VBP1: variants seen among roughly 807,000 people sequenced by gnomAD.
The protein encoded by VBP1 is prefoldin subunit 3.
VBP1 carries 4 observed loss-of-function variants against 15.5 expected under a neutral mutation model. That is an observed-to-expected ratio of 0.26 (90% CI 0.13 to 0.59). The LOEUF (loss-of-function observed/expected upper bound fraction) is 0.59, where lower values mean the gene tolerates loss of function less well. Among genes scored for constraint, VBP1 ranks in the 20% least tolerant of loss-of-function variants. The pLI, the probability that VBP1 is intolerant of heterozygous loss-of-function variation, is 0.90. For missense variants in VBP1, 108 were observed against 139.6 expected, an observed-to-expected ratio of 0.77 and a Z score of 1.14; for synonymous variants, 61 against 52.1, an observed-to-expected ratio of 1.17 and a Z score of -0.74.
At chrX:155,224,911 T>A (rs2074712498) in intron 2 of VBP1, among the ~76,000 whole-genome samples, 1 of 111,755 alleles carries the variant, frequency 8.9e-6, no homozygotes, top group African/African-American at 3.3e-5. Flanking sequence ...TCTTTGTCAT[T>A]TATCTTTTGG....
chrX:155,216,342 C>A (rs2124061459), upstream of VBP1: 4 of 1,099,788 alleles, frequency 3.6e-6, no homozygotes, highest in East Asian at 1.0e-4. Context: ...CAAAGGAGAA[C>A]GGGGACTTGT....
chrX:155,237,122 G>C (rs2124103187), intron 5 of VBP1, among the ~76,000 whole-genome samples: 1 of 111,998 alleles, frequency 8.9e-6, no homozygotes, highest in Non-Finnish European at 1.9e-5. Context: ...GCGGCGTAGG[G>C]TTTAAAGATC....
intron 1 of VBP1, among the ~76,000 whole-genome samples, chrX:155,198,578 G>A (rs1230504918): frequency 9.0e-6 from 1 of 111,061 alleles, no homozygotes; most frequent in Non-Finnish European, 1.9e-5. Flanking sequence ...CTAACAAACA[G>A]AAAGGACATC....
In VBP1 at chrX:155,210,806, T is replaced by C. The variant is rs782683140; in HGVS notation, c.78+1825T>C. On this transcript the variant is annotated intron_variant, in intron 2 of 6. Coordinates refer to the VBP1 transcript ENST00000535916. Reference sequence around the variant, plus strand: ...GCTCTCTAAGTAACAGCAAGAGCAATGGTTGCCTATGATTCCTTGTCTTGG... The same window carrying C: ...GCTCTCTAAGTAACAGCAAGAGCAACGGTTGCCTATGATTCCTTGTCTTGG... Among the ~76,000 whole-genome samples, 43 of 112,195 alleles carry C rather than the reference T, an allele frequency of 3.8e-4. 1 individual carries two copies. The highest frequency in any genetic ancestry group is 1.3e-3 in the African/African-American group (40 of 30,880).
intron 2 of VBP1, among the ~76,000 whole-genome samples, chrX:155,223,901 C>T (rs1392608606): frequency 1.0e-4 from 11 of 107,993 alleles, no homozygotes; most frequent in African/African-American, 2.7e-4. Flanking sequence ...GGCTGCCGGG[C>T]GGAGGGGCTC....
chrX:155,200,819 G>A (rs1392902351), intron 1 of VBP1, among the ~76,000 whole-genome samples: 1 of 110,853 alleles, frequency 9.0e-6, no homozygotes, highest in Non-Finnish European at 1.9e-5. Context: ...ATGAATCCAG[G>A]AGATGGTTTT....
chrX:155,236,184 G>C (rs374595147), intron 4 of VBP1, 45 bp from the exon 5 acceptor site: 52 of 1,179,450 alleles, frequency 4.4e-5, no homozygotes, highest in Non-Finnish European at 5.6e-5. Flanking sequence ...AACCTATAAA[G>C]CTCTGTGTAA....
chrX:155,236,887 T>G (rs1301557326), intron 5 of VBP1, among the ~76,000 whole-genome samples: 1 of 112,482 alleles, frequency 8.9e-6, no homozygotes, highest in Admixed American at 9.4e-5. Context: ...GCAACTGTGC[T>G]AAGACATATG....
At chrX:155,200,987 C>T (rs1261883007) in intron 1 of VBP1, among the ~76,000 whole-genome samples, 12 of 111,236 alleles carry the variant, frequency 1.1e-4, no homozygotes, top group African/African-American at 3.3e-4. Flanking sequence ...AACACCTCTG[C>T]GCAAATAAAC....
chrX:155,211,006 G>A (rs2074643179), intron 2 of VBP1, among the ~76,000 whole-genome samples: 1 of 112,146 alleles, frequency 8.9e-6, no homozygotes, highest in African/African-American at 3.2e-5. Flanking sequence ...TATGTGAAAG[G>A]TGATGAATTT....
At chrX:155,216,075 G>A (rs1043379911), upstream of VBP1, among the ~76,000 whole-genome samples, 1 of 110,579 alleles carries the variant, frequency 9.0e-6, no homozygotes, top group South Asian at 3.9e-4. Context: ...CTAGGTCCCA[G>A]GTTCGCTAGC....
At chrX:155,214,768 C>CTTTTTTTTTTTTTTTTTTTTTT (rs782556765), upstream of VBP1, among the ~76,000 whole-genome samples, 12 of 83,068 alleles carry the variant, frequency 1.4e-4, no homozygotes, top group Admixed American at 2.8e-4. Context: ...TTTTCTTTTC[C>CTTTTTTTTTTTTTTTTTTTTTT]TTTTTTTTTT....
chrX:155,237,090 AAGTT>A (rs1175025637), intron 5 of VBP1, among the ~76,000 whole-genome samples: 2 of 112,173 alleles, frequency 1.8e-5, no homozygotes, highest in African/African-American at 6.5e-5. Context: ...GAGAAGATAA[AAGTT>A]AGGCTGCTTT....
At chrX:155,222,202 G>C (rs886653189) in intron 2 of VBP1, among the ~76,000 whole-genome samples, 3 of 112,840 alleles carry the variant, frequency 2.7e-5, no homozygotes, top group Non-Finnish European at 5.6e-5. Flanking sequence ...TGTGCCTTGG[G>C]GCGGGGTGCA....
In VBP1 at chrX:155,217,749, G is replaced by A. The variant is rs2074671738; in HGVS notation, c.93+1174G>A. Among the ~76,000 whole-genome samples the A allele has an allele frequency of 2.7e-5, 3 of 111,747 alleles. No homozygotes were observed. In the Admixed American group the frequency reaches 2.8e-4, roughly 11 times the overall value. The stretch of plus-strand genomic sequence containing the variant: ...TGATTTTACAAAACTCGAGGTGGTA[G>A]CTACTACTGTTATGCCCGTTTTTTA... On this transcript the variant is annotated intron_variant, in intron 1 of 5. Coordinates refer to ENST00000286428, the MANE Select transcript of VBP1 (RefSeq NM_003372.7).
Position 155,220,233 on chromosome X carries a change from A to G in VBP1, c.144A>G (p.Thr48=), listed in dbSNP as rs782251478. 1 of 1,198,351 alleles carries G rather than the reference A, an allele frequency of 8.3e-7. No individual in the cohort carries two copies. The highest frequency in any genetic ancestry group is 1.1e-6 in the Non-Finnish European group (1 of 887,396). Reference sequence around the variant, plus strand: ...AGCCTGGGAATGAGACTGCAGATACAGTATTAAAGAAGCTGGATGAACAGT... The same window carrying G: ...AGCCTGGGAATGAGACTGCAGATACGGTATTAAAGAAGCTGGATGAACAGT... ...MKQPGNETAD[T]VLKKLDEQYQ... is the part of the protein sequence containing the mutation. Residue 48 remains threonine (T), a synonymous_variant, in exon 2 of 6, where the codon ACA becomes ACG. Transcript: ENST00000286428.
At chrX:155,211,877 A>C, upstream of VBP1, among the ~76,000 whole-genome samples, 1 of 111,714 alleles carries the variant, frequency 9.0e-6, no homozygotes, top group East Asian at 2.8e-4. Flanking sequence ...CTCATGTCTC[A>C]AACCCTTGAG....
chrX:155,238,078 A>C (rs1557311811), intron 5 of VBP1, among the ~76,000 whole-genome samples: 1 of 111,897 alleles, frequency 8.9e-6, no homozygotes. Flanking sequence ...GGATCCAGTG[A>C]CTTAGATGGG....
At chrX:155,228,533 T>G in intron 4 of VBP1, 51 bp downstream of exon 4, 3 of 1,026,050 alleles carry the variant, frequency 2.9e-6, no homozygotes, top group Non-Finnish European at 4.1e-6. Context: ...CAGTGTGTTT[T>G]CTGTAGCAAA....
Sources: allele counts gnomAD v4.1 joint callset (sites outside exome capture counted in the v4.1 genomes callset), GRCh38; gene constraint gnomAD v4.1.1; transcripts MANE v1.5; gene names NCBI Gene and HGNC (gene_info 2026-07-23, HGNC 2026-07-21).